Variants in PCLO observed in about 807,000 individuals in gnomAD.
The protein encoded by PCLO is piccolo presynaptic cytomatrix protein, also known as protein piccolo.
Under a neutral mutation model 427.5 loss-of-function variants are expected in PCLO, and 82 were observed. The observed-to-expected ratio is 0.19, with a 90% CI of 0.16 to 0.23. The LOEUF (loss-of-function observed/expected upper bound fraction) is 0.23. Among genes scored for constraint, PCLO ranks in the 10% least tolerant of loss-of-function variants. The pLI, the probability that PCLO is intolerant of heterozygous loss-of-function variation, is 1.00. For synonymous variants in PCLO, 2,357 were observed against 2,155.4 expected, an observed-to-expected ratio of 1.09 and a Z score of -2.59; for missense variants, 6,239 against 6,115.9, an observed-to-expected ratio of 1.02 and a Z score of -0.67.
intron 21 of PCLO, among the ~76,000 whole-genome samples, chr7:82,802,778 T>G (rs973623683): frequency 6.6e-6 from 1 of 152,154 alleles, no homozygotes; most frequent in African/African-American, 2.4e-5. Flanking sequence ...TATTTCTTAA[T>G]AATCCAATTA....
intron 22 of PCLO, among the ~76,000 whole-genome samples, chr7:82,787,458 T>G (rs1009968398): frequency 3.9e-5 from 6 of 152,180 alleles, no homozygotes; most frequent in African/African-American, 1.4e-4. Context: ...TTCTATTGTT[T>G]TAACCCATGC....
In PCLO at chr7:82,805,705, T is replaced by C; in HGVS notation, c.14916A>G (p.Leu4972=). The C allele has an allele frequency of 6.2e-7, 1 of 1,612,850 alleles. No individual in the cohort carries two copies. The highest frequency in any genetic ancestry group is 8.5e-7 in the Non-Finnish European group (1 of 1,179,438). ...CCACTTACATCCTCGGAATAGGAAA[T>C]AGATTAGTCTCCCCTGCAGTGCTGC... ...GSSSTAGETN[L]FPIPRIGKMG... is the part of the protein sequence containing the mutation. The change falls in exon 21 of 25, where the codon CTA becomes CTG. Residue 4972 remains leucine, a synonymous_variant. Coordinates refer to ENST00000333891, the MANE Select transcript of PCLO (RefSeq NM_033026.6).
At chr7:83,099,882 G>A (rs925682760) in intron 3 of PCLO, among the ~76,000 whole-genome samples, 2 of 151,934 alleles carry the variant, frequency 1.3e-5, no homozygotes, top group African/African-American at 2.4e-5. Flanking sequence ...AGAAAATCCT[G>A]GAATTGTTAA....
In PCLO at chr7:82,915,773, C is replaced by T. The variant is rs762818816; in HGVS notation, c.12213G>A (p.Lys4071=). The T allele has an allele frequency of 6.2e-6, 10 of 1,612,164 alleles. No individual in the cohort carries two copies. Among genetic ancestry groups the T allele is most frequent in the Admixed American group, 1.7e-5 (1 of 59,694 alleles). ...GGAGACGGTCTGTTTTTGACAGATC[C>T]TTTTCATGAAGGCTAAATGCGGTGC... The part of the protein sequence containing the change: ...ALSTAFSLHE[K]DLSKTDRLLR... The change falls in exon 7 of 25, where the codon AAG becomes AAA. Residue 4071 remains lysine (K), a synonymous_variant. Coordinates refer to ENST00000333891, the MANE Select transcript of PCLO (RefSeq NM_033026.6).
At chr7:82,854,821 C>T (rs1301347770) in intron 10 of PCLO, among the ~76,000 whole-genome samples, 1 of 152,118 alleles carries the variant, frequency 6.6e-6, no homozygotes, top group Non-Finnish European at 1.5e-5. Flanking sequence ...TTTCCATGTA[C>T]TTTCTTTCAC....
At chr7:83,000,698 C>A (rs1464047080) in intron 3 of PCLO, among the ~76,000 whole-genome samples, 3 of 151,984 alleles carry the variant, frequency 2.0e-5, no homozygotes, top group Non-Finnish European at 4.4e-5. Context: ...TGCTGTGTGG[C>A]CAAGTTCCTA....
chr7:83,149,053 C>T (rs192743306), intron 2 of PCLO, among the ~76,000 whole-genome samples: 1 of 152,254 alleles, frequency 6.6e-6, no homozygotes, highest in East Asian at 1.9e-4. Context: ...TTCTATTCTT[C>T]TTTTTGAAGG....
In PCLO at chr7:82,845,131, T is replaced by C. The variant is rs1792465417; in HGVS notation, c.14046+140A>G. The stretch of plus-strand genomic sequence containing the variant: ...AGTTTTGTACTCAGAAGAGAAAAAA[T>C]GTTTCTTGTTTTGATAGATCATCTG... On this transcript the variant is annotated intron_variant, in intron 13 of 24. Coordinates refer to ENST00000333891, the MANE Select transcript of PCLO (RefSeq NM_033026.6). 4 of 643,712 alleles carry C rather than the reference T, an allele frequency of 6.2e-6. No individual in the cohort carries two copies. The South Asian group carries it at 8.1e-5, about 13-fold the overall frequency. The allele number at this position is 643,712 out of a possible 1,614,324, so 39.9% of individuals were successfully genotyped here.
At chr7:83,109,587 C>T (rs1417891150) in intron 3 of PCLO, among the ~76,000 whole-genome samples, 3 of 152,126 alleles carry the variant, frequency 2.0e-5, no homozygotes, top group African/African-American at 4.8e-5. Flanking sequence ...TAGCTACCTA[C>T]CCATATGCTA....
At chr7:82,849,661 C>T (rs1301156049) in intron 10 of PCLO, among the ~76,000 whole-genome samples, 1 of 151,742 alleles carries the variant, frequency 6.6e-6, no homozygotes, top group Admixed American at 6.6e-5. Flanking sequence ...TATGGCATTT[C>T]GAATATATAT....
chr7:82,796,922 A>G (rs999457211), intron 22 of PCLO, among the ~76,000 whole-genome samples: 1 of 151,552 alleles, frequency 6.6e-6, no homozygotes, highest in African/African-American at 2.4e-5. Flanking sequence ...ACTCATATAT[A>G]GCACTAATCA....
intron 3 of PCLO, among the ~76,000 whole-genome samples, chr7:83,080,981 G>A (rs1042622493): frequency 1.6e-4 from 25 of 151,644 alleles, no homozygotes; most frequent in African/African-American, 5.8e-4. Context: ...TGTAAATATG[G>A]TCTGTCTCTC....
Position 82,946,368 on chromosome 7 carries a change from G to C in PCLO, c.11112+3108C>G, listed in dbSNP as rs984515810. On this transcript the variant is annotated intron_variant, in intron 6 of 24. Coordinates refer to ENST00000333891, the MANE Select transcript of PCLO (RefSeq NM_033026.6). ...TAGTGGCAAGAGAAGCAAAATTCCT[G>C]CTCTTGTAGAGCTTATATTCTACTG... 2.0e-5 allele frequency among the ~76,000 whole-genome samples: 3 copies of C among 152,066 alleles called. No homozygotes were observed. The East Asian group carries it at 5.8e-4, about 29-fold the overall frequency.
rs182749912 is a variant in PCLO, at chr7:83,039,251, C to T, written c.3301-72764G>A. Among the ~76,000 whole-genome samples, 322 of 151,944 alleles carry T rather than the reference C, an allele frequency of 2.1e-3. 4 individuals carry two copies. The highest frequency in any genetic ancestry group is 6.2e-4 in the Non-Finnish European group (42 of 67,876). ...GTCTAATTCATTTTTTCTTTTGTTG[C>T]TCATACTTTTGGGGCCAGATCTATG... On this transcript the variant is annotated intron_variant, in intron 3 of 24. Coordinates refer to ENST00000333891, the MANE Select transcript of PCLO (RefSeq NM_033026.6).
At chr7:82,985,419 G>A (rs867590764) in intron 3 of PCLO, among the ~76,000 whole-genome samples, 7 of 152,044 alleles carry the variant, frequency 4.6e-5, no homozygotes, top group African/African-American at 1.7e-4. Context: ...CTGGAGTGCA[G>A]TTATTCCATG....
intron 22 of PCLO, among the ~76,000 whole-genome samples, chr7:82,779,738 C>T (rs796700968): frequency 3.8e-5 from 4 of 105,740 alleles, no homozygotes; most frequent in Admixed American, 9.6e-5. Flanking sequence ...TTTTTTCTTT[C>T]TTTCTTTCTT....
Position 82,845,481 on chromosome 7 carries a change from A to G in PCLO, c.13836T>C (p.Asp4612=). ...LELHEPPKAV[D]KAKSPGVDPK... is the part of the protein sequence containing the mutation. ...GATCAACCCCTGGGGATTTCGCCTT[A>G]TCCACTACAACAAAATGAAAGAGAT... The change falls in exon 13 of 25, where the codon GAT becomes GAC. Residue 4612 remains aspartate, a synonymous_variant. Coordinates refer to ENST00000333891, the MANE Select transcript of PCLO (RefSeq NM_033026.6). 6.2e-7 allele frequency: 1 copy of G among 1,606,650 alleles called. No homozygotes were observed. The highest frequency in any genetic ancestry group is 8.5e-7 in the Non-Finnish European group (1 of 1,174,668).
At chr7:82,875,250 T>A (rs10252368) in intron 10 of PCLO, among the ~76,000 whole-genome samples, 9,319 of 152,146 alleles carry the variant, frequency 0.061, 956 homozygotes, top group African/African-American at 0.21. Context: ...ACATTTTTAA[T>A]AGTAAAGTTC....
At chr7:83,035,881 G>A (rs991888065) in intron 3 of PCLO, among the ~76,000 whole-genome samples, 2 of 152,022 alleles carry the variant, frequency 1.3e-5, no homozygotes, top group Non-Finnish European at 2.9e-5. Context: ...GGTTAGCCCC[G>A]TTTTTATTAC....
Sources: allele counts gnomAD v4.1 joint callset (sites outside exome capture counted in the v4.1 genomes callset), GRCh38; gene constraint gnomAD v4.1.1; transcripts MANE v1.5; gene names NCBI Gene and HGNC (gene_info 2026-07-23, HGNC 2026-07-21).